NFKBIZ: variants seen among roughly 807,000 people sequenced by gnomAD.
The protein encoded by NFKBIZ is NFKB inhibitor zeta, also known as NF-kappa-B inhibitor zeta.
A neutral mutation model predicts 76.8 loss-of-function variants in NFKBIZ; 19 were observed. The observed-to-expected ratio is 0.25, with a 90% CI of 0.17 to 0.36. The LOEUF (loss-of-function observed/expected upper bound fraction) is 0.36, where lower values mean the gene tolerates loss of function less well. Among genes scored for constraint, NFKBIZ ranks in the 10% least tolerant of loss-of-function variants. The pLI is 1.00. For synonymous variants in NFKBIZ, 368 were observed against 354.8 expected (o/e 1.04, Z -0.42); for missense variants, 829 against 910.9 (o/e 0.91, Z 1.16).
chr3:101,856,530 T>A (rs1943052744), intron 9 of NFKBIZ, among the ~76,000 whole-genome samples: 1 of 145,166 alleles, frequency 6.9e-6, no homozygotes, highest in African/African-American at 2.6e-5. Context: ...TAAAGGTGCT[T>A]TTTGTAAGGA....
In NFKBIZ at chr3:101,849,870, C is replaced by T. The variant is rs749241699; in HGVS notation, c.242C>T (p.Ala81Val). 1.5e-4 allele frequency: 219 copies of T among 1,456,302 alleles called. No homozygotes were observed. In the African/African-American group the frequency reaches 3.0e-3, roughly 20 times the overall value. 90.2% of individuals were successfully genotyped at this position (1,456,302 alleles called of 1,614,324 possible). Residue 81 changes from alanine (A) to valine (V), a missense_variant, in exon 1 of 12, where the codon GCC becomes GTC. Physicochemically the swap from Ala to Val is moderately conservative, Grantham distance 64 (BLOSUM62 0). Coordinates refer to ENST00000326172, the MANE Select transcript of NFKBIZ (RefSeq NM_031419.4). ...SSASSVSSCG[A>V]VESRSRGGAR... is the part of the protein sequence containing the mutation. ...GCCTCGTCGGTGTCCTCCTGCGGCG[C>T]CGTGGAGTCCCGGTCGAGAGGCGGC...
chr3:101,842,125 G>C (rs779491941), intron 2 of NFKBIZ, among the ~76,000 whole-genome samples: 2 of 152,180 alleles, frequency 1.3e-5, no homozygotes, highest in East Asian at 3.8e-4. Context: ...CCTTAGTCCA[G>C]AAGTGGGGTT....
At chr3:101,859,289 C>A in intron 11 of NFKBIZ, 29 bp from the exon 12 acceptor site, 1 of 1,600,166 alleles carries the variant, frequency 6.2e-7, no homozygotes, top group Non-Finnish European at 8.6e-7. Context: ...AGAAATAAAC[C>A]TCACAAATTT....
At position 101,853,825 on chromosome 3, in the gene NFKBIZ, C is replaced by A; in HGVS notation, c.1299C>A (p.Ser433=). ...AAGAAAGCAAATTGGCAAATATTTC[C>A]CAAGACCAGTTTCTTTCAAAGGATG... ...EQEESKLANI[S]QDQFLSKDAD... is the part of the protein sequence containing the mutation. The change falls in exon 5 of 12, where the codon TCC becomes TCA. Residue 433 remains serine, a synonymous_variant. Coordinates refer to ENST00000326172, the MANE Select transcript of NFKBIZ (RefSeq NM_031419.4). The A allele has an allele frequency of 6.2e-7, 1 of 1,613,372 alleles. No individual in the cohort carries two copies. The highest frequency in any genetic ancestry group is 1.3e-5 in the African/African-American group (1 of 75,044).
At chr3:101,857,033 ATT>A (rs75713821) in intron 9 of NFKBIZ, 38 bp from the exon 10 acceptor site, 1,206 of 1,076,974 alleles carry the variant, frequency 1.1e-3, no homozygotes, top group East Asian at 1.9e-3. Flanking sequence ...TAGTATCTGG[ATT>A]TTTTTTTTTT....
At chr3:101,836,733 A>G (rs1942725641) in intron 2 of NFKBIZ, among the ~76,000 whole-genome samples, 4 of 152,230 alleles carry the variant, frequency 2.6e-5, no homozygotes, top group African/African-American at 7.2e-5. Flanking sequence ...GTACAGACAC[A>G]TATGTTTGAG....
At chr3:101,829,145 A>T (rs564548910) in intron 1 of NFKBIZ, among the ~76,000 whole-genome samples, 1 of 152,154 alleles carries the variant, frequency 6.6e-6, no homozygotes, top group Non-Finnish European at 1.5e-5. Context: ...AATACGGTGT[A>T]TGGTCCACCA....
At chr3:101,832,250 A>G (rs968828114) in intron 2 of NFKBIZ, among the ~76,000 whole-genome samples, 4 of 152,066 alleles carry the variant, frequency 2.6e-5, no homozygotes, top group Non-Finnish European at 4.4e-5. Context: ...TATTTATTTC[A>G]GGAAAGCTTT....
At chr3:101,856,057 T>G in intron 9 of NFKBIZ, 155 bp downstream of exon 9, 1 of 586,796 alleles carries the variant, frequency 1.7e-6, no homozygotes, top group South Asian at 3.0e-5. Context: ...GCCCAGAATT[T>G]TTTTTTTTTT....
upstream of NFKBIZ, chr3:101,849,491 C>T (rs950034640): frequency 2.7e-5 from 19 of 711,684 alleles, no homozygotes; most frequent in Non-Finnish European, 3.3e-5. Context: ...CGTTAAATAC[C>T]CTGGCAGTCC....
chr3:101,832,960 C>T (rs1250695118), intron 2 of NFKBIZ, among the ~76,000 whole-genome samples: 2 of 152,144 alleles, frequency 1.3e-5, no homozygotes, highest in Non-Finnish European at 2.9e-5. Flanking sequence ...GTGCGTACAC[C>T]ATGAATATGT....
chr3:101,831,614 TCTC>T (rs1942648702), intron 2 of NFKBIZ, among the ~76,000 whole-genome samples: 1 of 151,764 alleles, frequency 6.6e-6, no homozygotes, highest in South Asian at 2.1e-4. Context: ...TTCTCCTCCT[TCTC>T]CTCTTTTTCT....
intron 1 of NFKBIZ, among the ~76,000 whole-genome samples, chr3:101,850,863 G>A (rs963529930): frequency 6.6e-6 from 1 of 152,220 alleles, no homozygotes; most frequent in East Asian, 1.9e-4. Flanking sequence ...GAAAGAATAT[G>A]TGTTTAGGAC....
At chr3:101,830,510 G>A in intron 2 of NFKBIZ, among the ~76,000 whole-genome samples, 1 of 152,064 alleles carries the variant, frequency 6.6e-6, no homozygotes, top group Non-Finnish European at 1.5e-5. Flanking sequence ...CAGTGTCTTT[G>A]TTGCCATCTT....
At chr3:101,828,238 T>C (rs1305876216) in intron 1 of NFKBIZ, 1 of 152,244 alleles carries the variant, frequency 6.6e-6, no homozygotes, top group Non-Finnish European at 1.5e-5. Context: ...GTAAGATTTT[T>C]TTTTTCTTTT....
At chr3:101,834,473 G>A (rs1289535712) in intron 2 of NFKBIZ, among the ~76,000 whole-genome samples, 1 of 152,054 alleles carries the variant, frequency 6.6e-6, no homozygotes, top group East Asian at 1.9e-4. Flanking sequence ...CAATTCTCCT[G>A]CCTCAGCCTC....
At chr3:101,829,686 A>G (rs1942619279) in exon 2 of NFKBIZ, 1 of 152,024 alleles carries the variant, frequency 6.6e-6, no homozygotes, top group Admixed American at 6.6e-5. Context: ...TGAACTCTCG[A>G]GGGTGAGAAG....
At chr3:101,838,586 T>G (rs2107399272) in intron 2 of NFKBIZ, among the ~76,000 whole-genome samples, 1 of 152,348 alleles carries the variant, frequency 6.6e-6, no homozygotes, top group African/African-American at 2.4e-5. Context: ...CATTTTTAGG[T>G]GACAGCTGTG....
upstream of NFKBIZ, among the ~76,000 whole-genome samples, chr3:101,844,995 C>T (rs769342350): frequency 6.6e-6 from 1 of 152,076 alleles, no homozygotes; most frequent in African/African-American, 2.4e-5. Flanking sequence ...TGGCCGGGCA[C>T]GGTGGCTCAC....
Sources: gnomAD v4.1 joint callset for allele counts (sites outside exome capture counted in the v4.1 genomes callset) on GRCh38, gnomAD v4.1.1 for gene constraint, MANE v1.5 for transcripts, NCBI Gene and HGNC (gene_info 2026-07-23, HGNC 2026-07-21) for gene names.